The following SLC29A3 variants were observed in gnomAD, a reference collection of about 807,000 sequenced individuals.
SLC29A3 encodes equilibrative nucleoside transporter 3.
Under a neutral mutation model 25.4 loss-of-function variants are expected in SLC29A3, and 18 were observed. The observed-to-expected ratio is 0.71, with a 90% confidence interval of 0.49 to 1.05. The LOEUF (loss-of-function observed/expected upper bound fraction) is 1.05, where lower values mean the gene tolerates loss of function less well. Among genes scored for constraint, SLC29A3 ranks in the 50% least tolerant of loss-of-function variants. The pLI, the probability that SLC29A3 is intolerant of heterozygous loss-of-function variation, is 0.00. For missense variants in SLC29A3, 586 were observed against 609.0 expected (o/e 0.96, Z 0.40); for synonymous variants, 258 against 267.1 (o/e 0.97, Z 0.33).
At position 71,362,384 on chromosome 10, in the gene SLC29A3, G is replaced by A. The variant is rs1009541174; in HGVS notation, c.1204G>A (p.Val402Ile). The change falls in exon 6 of 6, where the codon GTC becomes ATC. Residue 402 changes from valine to isoleucine, a missense_variant. Transcript: ENST00000373189. ...LFVLCNYQPR[V>I]HLKTVVFQSD... ...CGTGCTCTGTAACTACCAGCCCCGC[G>A]TCCACCTGAAGACTGTGGTCTTCCA... The A allele has an allele frequency of 1.1e-4, 171 of 1,613,956 alleles. No individual in the cohort carries two copies. The highest frequency in any genetic ancestry group is 1.6e-4 in the African/African-American group (12 of 74,890).
rs1361290699 is a variant in SLC29A3, at chr10:71,362,312, G to A, written c.1132G>A (p.Ala378Thr). The change falls in exon 6 of 6, where the codon GCG becomes ACG. Residue 378 changes from alanine (A) to threonine (T), a missense_variant. Transcript: ENST00000373189. ...WIQVPGPNSK[A>T]LPGFVLLRTC... ...CCAGGTGCCAGGGCCCAATAGCAAGGCGCTCCCAGGGTTCGTGCTCCTCCG... is the reference window on the plus strand; with the variant it reads ...CCAGGTGCCAGGGCCCAATAGCAAGACGCTCCCAGGGTTCGTGCTCCTCCG... 2 of 1,614,038 alleles carry A rather than the reference G, an allele frequency of 1.2e-6. No homozygotes were observed. Among genetic ancestry groups the A allele is most frequent in the Middle Eastern group, 1.6e-4 (1 of 6,084 alleles).
intron 3 of SLC29A3, among the ~76,000 whole-genome samples, chr10:71,347,189 C>G (rs957988093): frequency 6.6e-6 from 1 of 152,192 alleles, no homozygotes; most frequent in Non-Finnish European, 1.5e-5. Context: ...GCTTTCCCGA[C>G]TGGCTTATCC....
intron 5 of SLC29A3, among the ~76,000 whole-genome samples, chr10:71,358,285 C>G (rs918826979): frequency 3.3e-5 from 5 of 152,200 alleles, no homozygotes; most frequent in Non-Finnish European, 1.5e-5. Flanking sequence ...GAACCCCCAG[C>G]CTTTCAGCAG....
chr10:71,351,857 G>A (rs1020392506), intron 4 of SLC29A3, 69 bp downstream of exon 4: 160 of 1,397,512 alleles, frequency 1.1e-4, no homozygotes, highest in Non-Finnish European at 1.4e-4. Context: ...AGCCAGAGAT[G>A]AGCATGTGGT....
intron 2 of SLC29A3, among the ~76,000 whole-genome samples, chr10:71,340,354 G>A (rs1846369240): frequency 6.6e-6 from 1 of 152,202 alleles, no homozygotes; most frequent in Admixed American, 6.5e-5. Flanking sequence ...CTACAGGTCT[G>A]GTGCCCCTGG....
chr10:71,357,497 T>A (rs1383394723), intron 5 of SLC29A3, among the ~76,000 whole-genome samples: 1 of 151,926 alleles, frequency 6.6e-6, no homozygotes, highest in Non-Finnish European at 1.5e-5. Context: ...GTGATCCTCC[T>A]GCCTCAGCCT....
intron 1 of SLC29A3, 97 bp from the exon 2 acceptor site, chr10:71,322,659 G>T: frequency 2.1e-6 from 3 of 1,400,224 alleles, no homozygotes; most frequent in Non-Finnish European, 3.0e-6. Flanking sequence ...GGGTGAGGGG[G>T]CATGGTCATT....
At chr10:71,346,620 G>T (rs1318199369) in intron 3 of SLC29A3, among the ~76,000 whole-genome samples, 1 of 152,174 alleles carries the variant, frequency 6.6e-6, no homozygotes, top group Non-Finnish European at 1.5e-5. Flanking sequence ...CAGGAGGATC[G>T]CTTGAGCCGA....
At chr10:71,331,998 C>T (rs1280115178) in intron 2 of SLC29A3, among the ~76,000 whole-genome samples, 2 of 152,134 alleles carry the variant, frequency 1.3e-5, no homozygotes, top group African/African-American at 4.8e-5. Context: ...GAGCAGGTAT[C>T]TAGGAGTCTC....
intron 5 of SLC29A3, among the ~76,000 whole-genome samples, chr10:71,357,773 C>T (rs924715125): frequency 2.6e-5 from 4 of 152,208 alleles, no homozygotes; most frequent in Non-Finnish European, 4.4e-5. Context: ...ATAAAAACAA[C>T]GCTTGTCTTT....
At position 71,344,227 on chromosome 10, in the gene SLC29A3, C is replaced by A. The variant is rs1046929974; in HGVS notation, c.319C>A (p.Leu107Ile). Reference protein sequence around the residue: ...SDILNYFESYLAVASTVPSML... With the variant: ...SDILNYFESYIAVASTVPSML... ...CTTGCAGAACTACTTTGAGAGCTAC[C>A]TTGCCGTTGCCTCCACCGTGCCCTC... Residue 107 changes from leucine (L) to isoleucine (I), a missense_variant, in exon 3 of 6, where the codon CTT becomes ATT. Transcript: ENST00000373189. 6 of 1,614,040 alleles carry A rather than the reference C, an allele frequency of 3.7e-6. No homozygotes were observed. The African/African-American group carries it at 4.0e-5, about 11-fold the overall frequency.
At chr10:71,351,529 G>C (rs749270444) in intron 3 of SLC29A3, 33 bp from the exon 4 acceptor site, 1 of 1,603,956 alleles carries the variant, frequency 6.2e-7, no homozygotes, top group South Asian at 1.1e-5. Flanking sequence ...GCCCCGAAGG[G>C]GTGTCTAACT....
downstream of SLC29A3, chr10:71,364,463 A>G (rs964963446): frequency 2.0e-5 from 3 of 152,242 alleles, no homozygotes; most frequent in Non-Finnish European, 2.9e-5. Flanking sequence ...GAAGGCTCCC[A>G]AAAGCCTATT....
chr10:71,352,564 T>A (rs1846793048), intron 4 of SLC29A3: 1 of 152,700 alleles, frequency 6.5e-6, no homozygotes, highest in Non-Finnish European at 1.5e-5. Flanking sequence ...TCTGATTTTA[T>A]AGAGGACCTG....
At chr10:71,321,611 A>T (rs1324960079) in intron 1 of SLC29A3, among the ~76,000 whole-genome samples, 1 of 152,250 alleles carries the variant, frequency 6.6e-6, no homozygotes, top group African/African-American at 2.4e-5. Context: ...GGAGATGCTG[A>T]CATTTGTTCA....
rs61851339 is a variant in SLC29A3 at position 71,340,369 on chromosome 10, G to A, written c.301-3840G>A. Among the ~76,000 whole-genome samples, 395 of 152,318 alleles carry A rather than the reference G, an allele frequency of 2.6e-3. 2 individuals are homozygous for A. Among genetic ancestry groups the A allele is most frequent in the South Asian group, 4.4e-3 (21 of 4,820 alleles). ...CTACAGGTCTGGTGCCCCTGGAGTT[G>A]TGCAAAGTTCAACCTCCACCATCAT... On this transcript the variant is annotated intron_variant, in intron 2 of 5. Coordinates refer to ENST00000373189, the MANE Select transcript of SLC29A3 (RefSeq NM_018344.6).
intron 3 of SLC29A3, 30 bp from the exon 4 acceptor site, chr10:71,351,532 G>C: frequency 6.2e-7 from 1 of 1,608,844 alleles, no homozygotes; most frequent in Non-Finnish European, 8.5e-7. Flanking sequence ...CCGAAGGGGT[G>C]TCTAACTGCT....
chr10:71,344,671 A>G (rs929894944), intron 3 of SLC29A3, among the ~76,000 whole-genome samples: 1 of 152,148 alleles, frequency 6.6e-6, no homozygotes, highest in Non-Finnish European at 1.5e-5. Context: ...TCCTGTGTCA[A>G]CCACTCCCAA....
At chr10:71,377,048 G>A (rs1847257588) in intron 4 of SLC29A3, among the ~76,000 whole-genome samples, 1 of 152,032 alleles carries the variant, frequency 6.6e-6, no homozygotes, top group African/African-American at 2.4e-5. Flanking sequence ...TTACAGGCGT[G>A]AGCCACCGCG....
Sources: allele counts gnomAD v4.1 joint callset (sites outside exome capture counted in the v4.1 genomes callset), GRCh38; gene constraint gnomAD v4.1.1; transcripts MANE v1.5; gene names NCBI Gene and HGNC (gene_info 2026-07-23, HGNC 2026-07-21).